Variants in UGP2 observed in about 807,000 individuals in gnomAD.
UGP2 encodes UDP-glucose pyrophosphorylase 2.
In UGP2, 40 loss-of-function variants were observed where a neutral mutation model predicts 49.0. That is an observed-to-expected ratio of 0.82 (90% CI 0.63 to 1.06). The LOEUF is 1.06. Ranked by LOEUF, UGP2 falls within the 50% of genes least tolerant of loss-of-function variation. The probability of loss-of-function intolerance (pLI) is 0.00; values close to 1 mark genes in which losing one functional copy is unlikely to be tolerated. For synonymous variants in UGP2, 225 were observed against 213.0 expected (o/e 1.06, Z -0.49); for missense variants, 460 against 603.5 (o/e 0.76, Z 2.49).
intron 6 of UGP2, 85 bp downstream of exon 6, chr2:63,885,971 T>A: frequency 7.2e-7 from 1 of 1,397,976 alleles, no homozygotes. Flanking sequence ...ATTTGAAAGT[T>A]TCTATGTTAA....
At position 63,890,173 on chromosome 2, in the gene UGP2, T is replaced by A; in HGVS notation, c.1407T>A (p.Asn469Lys). ...CAGGAGATGTGACATTTGGAAAAAA[T>A]GTTTCATTAAAGGTATGTTGTTACA... is the stretch of plus-strand genomic sequence containing the variant. ...TVSGDVTFGKNVSLKGTVIII... is the reference protein window; with the variant it reads ...TVSGDVTFGKKVSLKGTVIII... Residue 469 changes from asparagine to lysine, a missense_variant, in exon 9 of 10, where the codon AAT becomes AAA. Physicochemically the swap from Asn to Lys is moderately conservative, Grantham distance 94 (BLOSUM62 0). Around this residue, in one of 2 missense-constraint regions of UGP2, gnomAD observed 317 missense variants for 473.0 expected, o/e 0.67. Transcript: ENST00000337130. 6 of 1,609,854 alleles carry A rather than the reference T, an allele frequency of 3.7e-6. No individual in the cohort carries two copies. The highest frequency in any genetic ancestry group is 5.1e-6 in the Non-Finnish European group (6 of 1,177,854).
At chr2:63,866,783 G>A (rs925075914) in intron 3 of UGP2, among the ~76,000 whole-genome samples, 1 of 152,136 alleles carries the variant, frequency 6.6e-6, no homozygotes, top group African/African-American at 2.4e-5. Context: ...GATCATTTTG[G>A]CTGAAATAAG....
chr2:63,841,814 G>A (rs1039440717), upstream of UGP2: 1 of 191,018 alleles, frequency 5.2e-6, no homozygotes, highest in Admixed American at 5.4e-5. Context: ...GAGGGCGTGG[G>A]GACTTGGGGG....
intron 3 of UGP2, among the ~76,000 whole-genome samples, chr2:63,880,366 G>T (rs1671220955): frequency 6.6e-6 from 1 of 151,978 alleles, no homozygotes; most frequent in Non-Finnish European, 1.5e-5. Context: ...TAGGGTCGGG[G>T]TTTCACCATG....
intron 4 of UGP2, 85 bp from the exon 5 acceptor site, chr2:63,883,875 T>G: frequency 6.7e-7 from 1 of 1,484,136 alleles, no homozygotes; most frequent in Non-Finnish European, 9.1e-7. Context: ...AGATATTTTA[T>G]GATTTAACCA....
chr2:63,883,937 CTAAT>C lies in UGP2; in HGVS notation c.442-21_442-18del. The C allele has an allele frequency of 6.3e-7, 1 of 1,589,302 alleles. No individual in the cohort carries two copies. The highest frequency in any genetic ancestry group is 8.5e-7 in the Non-Finnish European group (1 of 1,171,418). Reference sequence around the variant, plus strand: ...CAAAAGAAAAGTGAGTCTGGGTAATCTAATTGTCATTTTCCTCCCTAGCATTTGA... The same window carrying C: ...CAAAAGAAAAGTGAGTCTGGGTAATCTGTCATTTTCCTCCCTAGCATTTGA... On this transcript the variant is annotated intron_variant, in intron 4 of 9. Transcript: ENST00000337130.
Position 63,842,104 on chromosome 2 carries a change from G to T in UGP2, c.-82G>T. ...AAGAATACATCGGTTGTTAAAGCAG[G>T]AGAGGAAGAGAGACCTGCCCTGTAG... On this transcript the variant is annotated 5_prime_UTR_variant, in exon 1 of 10. Transcript: ENST00000337130. 6.7e-7 allele frequency: 1 copy of T among 1,499,958 alleles called. No individual in the cohort carries two copies. Among genetic ancestry groups the T allele is most frequent in the Admixed American group, 2.2e-5 (1 of 44,652 alleles). 92.9% of individuals were successfully genotyped at this position (1,499,958 alleles called of 1,614,324 possible). A position where few individuals can be genotyped will look rare whatever the true frequency, so the allele number is the denominator to read the frequency against.
chr2:63,849,667 G>C (rs1182947620), intron 1 of UGP2, among the ~76,000 whole-genome samples: 1 of 152,154 alleles, frequency 6.6e-6, no homozygotes, highest in Non-Finnish European at 1.5e-5. Context: ...TTCAGATTTA[G>C]TGGCAAACAC....
At chr2:63,846,328 A>C (rs544438057) in intron 1 of UGP2, among the ~76,000 whole-genome samples, 17 of 152,322 alleles carry the variant, frequency 1.1e-4, no homozygotes, top group Admixed American at 4.6e-4. Flanking sequence ...TCTGAGAGTT[A>C]TGGGGTAATC....
chr2:63,866,707 A>C (rs1262112602), intron 3 of UGP2, among the ~76,000 whole-genome samples: 1 of 152,178 alleles, frequency 6.6e-6, no homozygotes, highest in Non-Finnish European at 1.5e-5. Flanking sequence ...TAAGAATGCA[A>C]ATAGGTGGGA....
Position 63,860,867 on chromosome 2 carries a change from A to G in UGP2, c.255+2931A>G, listed in dbSNP as rs536571030. Among the ~76,000 whole-genome samples the G allele has an allele frequency of 3.6e-5, 5 of 139,480 alleles. No individual in the cohort carries two copies. The South Asian group carries it at 1.1e-3, about 31-fold the overall frequency. The allele number at this position is 139,480 out of a possible 152,430, so 91.5% of individuals were successfully genotyped here. A position where few individuals can be genotyped will look rare whatever the true frequency, so the allele number is the denominator to read the frequency against. On this transcript the variant is annotated intron_variant, in intron 3 of 9. Transcript: ENST00000337130. The stretch of plus-strand genomic sequence containing the variant: ...GATCCTCCTGCCTTAACCACTTTTT[A>G]GATAAAAATAGTTTTTCATAAATAC...
At chr2:63,878,440 T>A (rs1341737019) in intron 3 of UGP2, among the ~76,000 whole-genome samples, 1 of 152,216 alleles carries the variant, frequency 6.6e-6, no homozygotes, top group African/African-American at 2.4e-5. Context: ...GATCATTGTA[T>A]TTTGCTTTCA....
At chr2:63,890,806 G>A (rs867092431) in intron 9 of UGP2, among the ~76,000 whole-genome samples, 2 of 152,248 alleles carry the variant, frequency 1.3e-5, no homozygotes, top group African/African-American at 2.4e-5. Context: ...TCTCTATGAA[G>A]GTTAGATAAT....
chr2:63,887,303 C>G (rs1671752396), intron 7 of UGP2, 99 bp from the exon 8 acceptor site: 5 of 1,460,244 alleles, frequency 3.4e-6, no homozygotes, highest in Middle Eastern at 1.8e-4. Context: ...ATCAATGGAT[C>G]TCTGAAATCA....
At position 63,842,218 on chromosome 2, in the gene UGP2, C is replaced by T; in HGVS notation, c.19+14C>T. 1 of 1,608,226 alleles carries T rather than the reference C, an allele frequency of 6.2e-7. No individual in the cohort carries two copies. The highest frequency in any genetic ancestry group is 2.2e-5 in the East Asian group (1 of 44,824). On this transcript the variant is annotated intron_variant, in intron 1 of 9. Transcript: ENST00000337130. ...GATTTGTACAAGGTAAGAAATGCTG[C>T]TGCTTATATCCCGAGTTGCTTCAGG...
intron 3 of UGP2, among the ~76,000 whole-genome samples, chr2:63,864,299 G>A (rs779383190): frequency 1.3e-5 from 2 of 152,184 alleles, no homozygotes; most frequent in Admixed American, 6.5e-5. Context: ...GATGAACCAG[G>A]TGTAGATAGT....
intron 3 of UGP2, among the ~76,000 whole-genome samples, chr2:63,871,298 CT>C (rs748350134): frequency 5.1e-4 from 76 of 149,414 alleles, no homozygotes; most frequent in Non-Finnish European, 7.8e-4. Flanking sequence ...GGACAAAAGC[CT>C]TTTTTTTTTC....
intron 1 of UGP2, chr2:63,855,308 T>A (rs1246103280): frequency 8.1e-6 from 3 of 368,536 alleles, no homozygotes; most frequent in African/African-American, 6.5e-5. Flanking sequence ...AATAACTAGT[T>A]ATCAAACTAT....
intron 3 of UGP2, among the ~76,000 whole-genome samples, chr2:63,867,164 C>T (rs1670239765): frequency 6.6e-6 from 1 of 152,162 alleles, no homozygotes; most frequent in African/African-American, 2.4e-5. Flanking sequence ...GAAATTACTT[C>T]AAGCTCTATG....
Sources: gnomAD v4.1 joint callset for allele counts (sites outside exome capture counted in the v4.1 genomes callset) on GRCh38, gnomAD v4.1.1 for gene constraint, gnomAD v4.1.1 regional missense constraint, MANE v1.5 for transcripts, NCBI Gene and HGNC (gene_info 2026-07-23, HGNC 2026-07-21) for gene names.